Variants in HCRTR2 observed in about 807,000 individuals in gnomAD.
The protein encoded by HCRTR2 is hypocretin receptor 2, also known as orexin receptor type 2.
HCRTR2 carries 22 observed loss-of-function variants against 49.0 expected under a neutral mutation model. That is an observed-to-expected ratio of 0.45 (90% CI 0.32 to 0.64). HCRTR2 has a LOEUF of 0.64. Among genes scored for constraint, HCRTR2 ranks in the 30% least tolerant of loss-of-function variants. The pLI, the probability that HCRTR2 is intolerant of heterozygous loss-of-function variation, is 0.04. For missense variants in HCRTR2, 491 were observed against 559.4 expected, an observed-to-expected ratio of 0.88 and a Z score of 1.23; for synonymous variants, 236 against 205.3, an observed-to-expected ratio of 1.15 and a Z score of -1.28.
chr6:55,156,040 G>A (rs1764726058), intron 1 of HCRTR2, among the ~76,000 whole-genome samples: 1 of 151,882 alleles, frequency 6.6e-6, no homozygotes, highest in South Asian at 2.1e-4. Flanking sequence ...TTAATATGGT[G>A]TTATGTGGAT....
At chr6:55,116,423 A>G (rs1764117535) in intron 1 of HCRTR2, among the ~76,000 whole-genome samples, 1 of 151,490 alleles carries the variant, frequency 6.6e-6, no homozygotes, top group African/African-American at 2.4e-5. Flanking sequence ...AAATACTAAA[A>G]GAGGCTAAAA....
chr6:55,157,484 TC>T, intron 1 of HCRTR2, among the ~76,000 whole-genome samples: 1 of 152,336 alleles, frequency 6.6e-6, no homozygotes, highest in Middle Eastern at 3.4e-3. Flanking sequence ...AGGACACAAG[TC>T]TGACTGGCTT....
In HCRTR2 at chr6:55,185,673, G is replaced by A. The variant is rs190753383; in HGVS notation, c.223+10863G>A. ...TAAGGCCTTGAGTTTCCCAAATTCAGGACATATTTTCAACTATCCCCTGAG... is the reference window on the plus strand; with the variant it reads ...TAAGGCCTTGAGTTTCCCAAATTCAAGACATATTTTCAACTATCCCCTGAG... On this transcript the variant is annotated intron_variant, in intron 1 of 6. Coordinates refer to ENST00000370862, the MANE Select transcript of HCRTR2 (RefSeq NM_001384272.1). Among the ~76,000 whole-genome samples, 481 of 136,774 alleles carry A rather than the reference G, an allele frequency of 3.5e-3. 4 individuals carry two copies. The highest frequency in any genetic ancestry group is 0.011 in the African/African-American group (468 of 40,944). The allele number at this position is 136,774 out of a possible 152,430, so 89.7% of individuals were successfully genotyped here.
chr6:55,258,205 G>GT (rs1292089630), intron 3 of HCRTR2, among the ~76,000 whole-genome samples: 1 of 152,000 alleles, frequency 6.6e-6, no homozygotes, highest in Non-Finnish European at 1.5e-5. Context: ...TAAAACTATT[G>GT]TAAAATATCT....
At chr6:55,229,541 T>G (rs1766074700) in intron 1 of HCRTR2, among the ~76,000 whole-genome samples, 1 of 152,220 alleles carries the variant, frequency 6.6e-6, no homozygotes, top group African/African-American at 2.4e-5. Flanking sequence ...TACAATGGAA[T>G]ATTATTCAGC....
chr6:55,159,037 G>A (rs758274357), intron 1 of HCRTR2, among the ~76,000 whole-genome samples: 1 of 152,180 alleles, frequency 6.6e-6, no homozygotes, highest in Non-Finnish European at 1.5e-5. Flanking sequence ...AGGGTCGACA[G>A]ACACCTCATA....
intron 5 of HCRTR2, 75 bp downstream of exon 5, chr6:55,277,675 T>TA (rs1767105587): frequency 5.4e-6 from 6 of 1,106,530 alleles, no homozygotes; most frequent in South Asian, 4.1e-5. Context: ...TTTTTTTTTT[T>TA]AACTAAGCCA....
At chr6:55,127,110 G>C (rs967814636) in intron 1 of HCRTR2, among the ~76,000 whole-genome samples, 2 of 152,058 alleles carry the variant, frequency 1.3e-5, no homozygotes, top group Non-Finnish European at 2.9e-5. Context: ...AGGCGCCACT[G>C]GGGTATGGGA....
At chr6:55,186,634 T>C (rs1765220886) in intron 1 of HCRTR2, among the ~76,000 whole-genome samples, 1 of 152,246 alleles carries the variant, frequency 6.6e-6, no homozygotes, top group Admixed American at 6.5e-5. Flanking sequence ...GAGAAGAACA[T>C]GTAATGTGCA....
At chr6:55,156,790 AC>A (rs1042161742) in intron 1 of HCRTR2, among the ~76,000 whole-genome samples, 2 of 152,196 alleles carry the variant, frequency 1.3e-5, no homozygotes, top group African/African-American at 4.8e-5. Context: ...AATTAAAAAA[AC>A]ATAATTATCT....
At chr6:55,269,696 G>T (rs1390246639) in intron 4 of HCRTR2, among the ~76,000 whole-genome samples, 1 of 152,070 alleles carries the variant, frequency 6.6e-6, no homozygotes, top group Admixed American at 6.6e-5. Context: ...GATTGCTTAT[G>T]CCTGTAATCT....
chr6:55,238,807 T>G (rs911108604), intron 1 of HCRTR2, among the ~76,000 whole-genome samples: 2 of 151,994 alleles, frequency 1.3e-5, no homozygotes, highest in African/African-American at 4.8e-5. Context: ...AAAAGACAAG[T>G]GGATTAAAGA....
At chr6:55,213,596 A>G (rs932428299) in intron 1 of HCRTR2, among the ~76,000 whole-genome samples, 5 of 152,240 alleles carry the variant, frequency 3.3e-5, no homozygotes, top group Middle Eastern at 3.4e-3. Context: ...CCAGCAGAAA[A>G]TTTGTTGTAC....
intron 1 of HCRTR2, among the ~76,000 whole-genome samples, chr6:55,205,834 T>G (rs1463654892): frequency 6.6e-6 from 1 of 152,100 alleles, no homozygotes; most frequent in Non-Finnish European, 1.5e-5. Flanking sequence ...GGCTGCCTGG[T>G]ATAACGCAAC....
At chr6:55,119,170 C>A (rs2127236637) in intron 1 of HCRTR2, among the ~76,000 whole-genome samples, 1 of 152,154 alleles carries the variant, frequency 6.6e-6, no homozygotes, top group South Asian at 2.1e-4. Context: ...GCCATGTTTT[C>A]TTTATTCAGT....
chr6:55,142,156 G>C (rs901642902), intron 1 of HCRTR2, among the ~76,000 whole-genome samples: 3 of 152,036 alleles, frequency 2.0e-5, no homozygotes, highest in Non-Finnish European at 2.9e-5. Flanking sequence ...TAAGAGAAAT[G>C]ATGGCATTTG....
At chr6:55,127,188 G>A (rs1355945107) in intron 1 of HCRTR2, among the ~76,000 whole-genome samples, 1 of 152,116 alleles carries the variant, frequency 6.6e-6, no homozygotes, top group Non-Finnish European at 1.5e-5. Flanking sequence ...TTGAAACCCA[G>A]GGCCCTGGTG....
rs1162558767 is a variant in HCRTR2 at position 55,239,633 on chromosome 6, C to G, written c.224-9006C>G. On this transcript the variant is annotated intron_variant, in intron 1 of 6. Coordinates refer to ENST00000370862, the MANE Select transcript of HCRTR2 (RefSeq NM_001384272.1). ...CACCATTGGTTGACAAAAGTGAGAGCTTTTCTCAACATTAACATAATGAGC... is the reference window on the plus strand; with the variant it reads ...CACCATTGGTTGACAAAAGTGAGAGGTTTTCTCAACATTAACATAATGAGC... Among the ~76,000 whole-genome samples, 6 of 152,242 alleles carry G rather than the reference C, an allele frequency of 3.9e-5. No homozygotes were observed. The East Asian group carries it at 1.2e-3, about 29-fold the overall frequency.
chr6:55,181,861 A>C (rs1264475584), intron 1 of HCRTR2, among the ~76,000 whole-genome samples: 1 of 152,244 alleles, frequency 6.6e-6, no homozygotes, highest in Non-Finnish European at 1.5e-5. Context: ...CACATTAACA[A>C]ACTTCATAAA....
Sources: allele counts gnomAD v4.1 joint callset (sites outside exome capture counted in the v4.1 genomes callset), GRCh38; gene constraint gnomAD v4.1.1; transcripts MANE v1.5; gene names NCBI Gene and HGNC (gene_info 2026-07-23, HGNC 2026-07-21).